LRCH2: variants seen among roughly 807,000 people sequenced by gnomAD.
LRCH2 encodes the protein leucine-rich repeat and calponin homology domain-containing protein 2.
Under a neutral mutation model 68.9 loss-of-function variants are expected in LRCH2, and 38 were observed. That is an observed-to-expected ratio of 0.55 (90% CI 0.43 to 0.72). LRCH2 has a LOEUF of 0.72. Ranked by LOEUF, LRCH2 falls within the 30% of genes least tolerant of loss-of-function variation. The probability of loss-of-function intolerance (pLI) is 0.00; values close to 1 mark genes in which losing one functional copy is unlikely to be tolerated. For synonymous variants in LRCH2, 191 were observed against 208.1 expected, an observed-to-expected ratio of 0.92 and a Z score of 0.71; for missense variants, 528 against 572.9, an observed-to-expected ratio of 0.92 and a Z score of 0.80.
At chrX:115,161,735 A>C (rs2147384277) in intron 11 of LRCH2, among the ~76,000 whole-genome samples, 1 of 111,466 alleles carries the variant, frequency 9.0e-6, no homozygotes, top group Non-Finnish European at 1.9e-5. Context: ...AAATAAAACC[A>C]ATGAAAGATT....
In LRCH2 at chrX:115,233,682, C is replaced by G. The variant is rs782492384; in HGVS notation, c.349+11G>C. ...CTTCACAGCCAGCTTCCCCTCCCCC[C>G]GTCCTGTCACCTGCTTGGGTGGTGT... On this transcript the variant is annotated intron_variant, in intron 1 of 20. Transcript: ENST00000317135. 261 of 1,129,297 alleles carry G rather than the reference C, an allele frequency of 2.3e-4. No individual in the cohort carries two copies. Among genetic ancestry groups the G allele is most frequent in the Non-Finnish European group, 2.9e-4 (244 of 852,362 alleles). 93.1% of individuals were successfully genotyped at this position (1,129,297 alleles called of 1,213,427 possible).
chrX:115,201,633 T>C (rs915983310), intron 1 of LRCH2, among the ~76,000 whole-genome samples: 7 of 111,789 alleles, frequency 6.3e-5, no homozygotes, highest in African/African-American at 2.3e-4. Flanking sequence ...TTCACCATTG[T>C]TATTGAATAT....
intron 5 of LRCH2, among the ~76,000 whole-genome samples, chrX:115,179,152 T>C (rs2072672938): frequency 8.9e-6 from 1 of 111,929 alleles, no homozygotes; most frequent in South Asian, 3.7e-4. Flanking sequence ...GGGAAATAGG[T>C]AGAGAGACTT....
chrX:115,124,534 C>A (rs2072169960), intron 16 of LRCH2, among the ~76,000 whole-genome samples: 1 of 112,164 alleles, frequency 8.9e-6, no homozygotes, highest in Admixed American at 9.5e-5. Context: ...GTACATTAAA[C>A]AAATCTGAAG....
At chrX:115,176,922 A>G (rs1819695905) in intron 5 of LRCH2, among the ~76,000 whole-genome samples, 2 of 104,600 alleles carry the variant, frequency 1.9e-5, no homozygotes, top group Non-Finnish European at 3.9e-5. Context: ...AATTTTTTGT[A>G]CTTTAGTAGA....
chrX:115,113,196 T>C lies in LRCH2; in HGVS notation c.*20A>G. The C allele has an allele frequency of 8.6e-7, 1 of 1,157,855 alleles. No homozygotes were observed. Among genetic ancestry groups the C allele is most frequent in the Non-Finnish European group, 1.2e-6 (1 of 864,295 alleles). On this transcript the variant is annotated 3_prime_UTR_variant, in exon 21 of 21. Coordinates refer to ENST00000317135, the MANE Select transcript of LRCH2 (RefSeq NM_020871.4). The stretch of plus-strand genomic sequence containing the variant: ...CTTCAAATAAATGAAACTATACACT[T>C]AGAATTTTAAAATGTTATATTAAGC...
chrX:115,197,549 T>C (rs1434416041), intron 1 of LRCH2, among the ~76,000 whole-genome samples: 2 of 110,587 alleles, frequency 1.8e-5, no homozygotes, highest in Admixed American at 1.9e-4. Flanking sequence ...CCCAGGTGTT[T>C]AGGACCAGCT....
chrX:115,159,480 G>A (rs2072500046), intron 11 of LRCH2, among the ~76,000 whole-genome samples: 1 of 110,347 alleles, frequency 9.1e-6, no homozygotes, highest in African/African-American at 3.3e-5. Context: ...GGCCCGGCGC[G>A]GTGGCTCACG....
At chrX:115,168,085 A>G (rs782768070) in intron 6 of LRCH2, among the ~76,000 whole-genome samples, 1 of 112,023 alleles carries the variant, frequency 8.9e-6, no homozygotes, top group East Asian at 2.8e-4. Flanking sequence ...ACAAGGACAT[A>G]CAGTTATTAA....
chrX:115,204,221 C>T (rs2072950042), intron 1 of LRCH2, among the ~76,000 whole-genome samples: 1 of 113,238 alleles, frequency 8.8e-6, no homozygotes, highest in African/African-American at 3.2e-5. Flanking sequence ...TGAGGCTGCA[C>T]AGAGCAGTAG....
intron 1 of LRCH2, among the ~76,000 whole-genome samples, chrX:115,216,437 T>C (rs965526273): frequency 1.8e-5 from 2 of 112,206 alleles, no homozygotes; most frequent in Non-Finnish European, 3.8e-5. Context: ...ACCGCTTTTG[T>C]TGTATGCATA....
At chrX:115,132,983 A>G (rs1461852391) in intron 14 of LRCH2, among the ~76,000 whole-genome samples, 1 of 111,361 alleles carries the variant, frequency 9.0e-6, no homozygotes, top group Non-Finnish European at 1.9e-5. Flanking sequence ...AACAAACCCG[A>G]TATGGCTGGG....
At chrX:115,115,112 T>C (rs782168836) in intron 20 of LRCH2, among the ~76,000 whole-genome samples, 3 of 110,971 alleles carry the variant, frequency 2.7e-5, no homozygotes, top group East Asian at 2.8e-4. Flanking sequence ...GGAATAAACA[T>C]TGTGAAGATG....
chrX:115,217,570 A>G (rs1260225932), intron 1 of LRCH2, among the ~76,000 whole-genome samples: 2 of 111,522 alleles, frequency 1.8e-5, no homozygotes, highest in Non-Finnish European at 3.8e-5. Flanking sequence ...ATCCTTTTTT[A>G]TGGCTATATA....
At chrX:115,150,137 A>T in intron 12 of LRCH2, 67 bp from the exon 13 acceptor site, 1 of 791,539 alleles carries the variant, frequency 1.3e-6, no homozygotes, top group East Asian at 3.7e-5. Context: ...TATATTATGA[A>T]CCTTAGATGT....
chrX:115,115,661 G>T (rs781919067), intron 20 of LRCH2, among the ~76,000 whole-genome samples: 5 of 110,647 alleles, frequency 4.5e-5, no homozygotes, highest in South Asian at 7.4e-4. Context: ...TCTTAGATAT[G>T]ATATCAAAAT....
intron 14 of LRCH2, among the ~76,000 whole-genome samples, chrX:115,148,048 C>A (rs1405372835): frequency 9.4e-6 from 1 of 106,130 alleles, no homozygotes; most frequent in Non-Finnish European, 1.9e-5. Context: ...GCAGTCTGGG[C>A]AATAGAGAGA....
chrX:115,183,256 G>A, intron 3 of LRCH2, among the ~76,000 whole-genome samples: 1 of 111,431 alleles, frequency 9.0e-6, no homozygotes, highest in Non-Finnish European at 1.9e-5. Context: ...GGACATGCAG[G>A]TATTCCTTAA....
At chrX:115,205,353 A>G (rs1001861453) in intron 1 of LRCH2, among the ~76,000 whole-genome samples, 2 of 112,157 alleles carry the variant, frequency 1.8e-5, no homozygotes, top group Non-Finnish European at 3.8e-5. Flanking sequence ...ACACTCTTCT[A>G]TGTGATACTG....
Sources: gnomAD v4.1 joint callset for allele counts (sites outside exome capture counted in the v4.1 genomes callset) on GRCh38, gnomAD v4.1.1 for gene constraint, MANE v1.5 for transcripts, NCBI Gene and HGNC (gene_info 2026-07-23, HGNC 2026-07-21) for gene names.